The following DLG2 variants were observed in gnomAD, a reference collection of about 807,000 sequenced individuals.
The protein encoded by DLG2 is disks large homolog 2.
A neutral mutation model predicts 132.5 loss-of-function variants in DLG2; 45 were observed. That is an observed-to-expected ratio of 0.34 (90% CI 0.27 to 0.44). The LOEUF (loss-of-function observed/expected upper bound fraction) is 0.44. DLG2 is among the 20% of genes least tolerant of loss of function. The probability of loss-of-function intolerance (pLI) is 1.00; values close to 1 mark genes in which losing one functional copy is unlikely to be tolerated. For synonymous variants in DLG2, 424 were observed against 419.6 expected, an observed-to-expected ratio of 1.01 and a Z score of -0.13; for missense variants, 1,045 against 1,196.9, an observed-to-expected ratio of 0.87 and a Z score of 1.87.
intron 6 of DLG2, among the ~76,000 whole-genome samples, chr11:84,740,657 C>T (rs951711014): frequency 5.9e-5 from 9 of 152,188 alleles, no homozygotes; most frequent in African/African-American, 2.2e-4. Context: ...AACACCACAA[C>T]TCCAGCGGTG....
chr11:83,946,226 A>C (rs923702487), intron 14 of DLG2, among the ~76,000 whole-genome samples: 1 of 152,056 alleles, frequency 6.6e-6, no homozygotes, highest in Non-Finnish European at 1.5e-5. Flanking sequence ...GACCTCAGGT[A>C]ATCTACCCGC....
chr11:83,627,390 T>A (rs1041785189), intron 19 of DLG2, among the ~76,000 whole-genome samples: 6 of 149,916 alleles, frequency 4.0e-5, no homozygotes, highest in African/African-American at 1.5e-4. Flanking sequence ...CAGTCTCTGG[T>A]GTGTGATGTT....
At chr11:84,837,471 C>T (rs1196479453) in intron 6 of DLG2, among the ~76,000 whole-genome samples, 2 of 151,874 alleles carry the variant, frequency 1.3e-5, no homozygotes, top group East Asian at 3.9e-4. Flanking sequence ...CCTGCCCATT[C>T]TCCTAGATGG....
chr11:84,435,716 G>A (rs4944491), intron 7 of DLG2, among the ~76,000 whole-genome samples: 4,880 of 152,212 alleles, frequency 0.032, 126 homozygotes, highest in South Asian at 0.15. Context: ...CAGATTGAAA[G>A]CCCCTTACTA....
intron 5 of DLG2, among the ~76,000 whole-genome samples, chr11:85,141,339 A>G (rs561673164): frequency 6.6e-6 from 1 of 151,832 alleles, no homozygotes; most frequent in Non-Finnish European, 1.5e-5. Flanking sequence ...TATTTTTCAT[A>G]TATCTATTGG....
intron 8 of DLG2, among the ~76,000 whole-genome samples, chr11:84,180,780 A>C (rs117123104): frequency 6.6e-6 from 1 of 152,072 alleles, no homozygotes; most frequent in East Asian, 1.9e-4. Context: ...TGAAATATTG[A>C]AAGTGTGGGG....
At chr11:83,791,605 T>G (rs749541424) in intron 17 of DLG2, 12 of 406,500 alleles carry the variant, frequency 3.0e-5, no homozygotes, top group Non-Finnish European at 4.6e-5. Flanking sequence ...ATCCAACGGA[T>G]GAAAATACTA....
chr11:84,550,893 G>C (rs1323912603), intron 6 of DLG2, among the ~76,000 whole-genome samples: 1 of 152,124 alleles, frequency 6.6e-6, no homozygotes, highest in Admixed American at 6.5e-5. Flanking sequence ...CCAGCTCTTT[G>C]AGCTCCCTTT....
intron 6 of DLG2, among the ~76,000 whole-genome samples, chr11:84,699,167 G>A (rs1053324310): frequency 4.0e-5 from 6 of 151,486 alleles, no homozygotes; most frequent in African/African-American, 1.5e-4. Context: ...AGTGCAAATG[G>A]ATAGAATTTG....
At chr11:85,413,738 T>C (rs1447632719) in intron 3 of DLG2, among the ~76,000 whole-genome samples, 1 of 152,102 alleles carries the variant, frequency 6.6e-6, no homozygotes, top group African/African-American at 2.4e-5. Flanking sequence ...CTGGGTTCTG[T>C]ATTCTATTCC....
intron 15 of DLG2, among the ~76,000 whole-genome samples, chr11:83,891,448 G>C (rs979107284): frequency 6.6e-6 from 1 of 152,188 alleles, no homozygotes; most frequent in Non-Finnish European, 1.5e-5. Context: ...AATATATTCT[G>C]TAGGCAAAGA....
At chr11:84,273,225 T>C in intron 7 of DLG2, 1 of 1,568,476 alleles carries the variant, frequency 6.4e-7, no homozygotes, top group Non-Finnish European at 8.6e-7. Flanking sequence ...AGCTGATAAT[T>C]CTCAGCCCGA....
In DLG2 at chr11:84,502,213, T is replaced by TCCTTCCTTCCTTC. The variant is rs2099212113; in HGVS notation, c.519+32344_519+32356dup. ...CTCTCTCTCTCTCTCCTTCCTTCCTTCCTTCCTTCCTTCCTTCCTTCCTTC... is the reference window on the plus strand; with the variant it reads ...CTCTCTCTCTCTCTCCTTCCTTCCTTCCTTCCTTCCTTCCCTTCCTTCCTTCCTTCCTTCCTTC... On this transcript the variant is annotated intron_variant, in intron 7 of 27. Transcript: ENST00000376104. 1.1e-3 allele frequency among the ~76,000 whole-genome samples: 2 copies of TCCTTCCTTCCTTC among 1,862 alleles called. 1 individual carries two copies. Among genetic ancestry groups the TCCTTCCTTCCTTC allele is most frequent in the African/African-American group, 0.014 (2 of 144 alleles). The allele number at this position is 1,862 out of a possible 152,430, so 1.2% of individuals were successfully genotyped here. A position where few individuals can be genotyped will look rare whatever the true frequency, so the allele number is the denominator to read the frequency against.
intron 18 of DLG2, among the ~76,000 whole-genome samples, chr11:83,734,221 C>T (rs753870104): frequency 1.3e-5 from 2 of 152,130 alleles, no homozygotes; most frequent in Non-Finnish European, 2.9e-5. Flanking sequence ...ATAGAGGTCA[C>T]GGTGAACTCA....
chr11:84,332,530 T>TTA, intron 7 of DLG2, among the ~76,000 whole-genome samples: 1 of 142,302 alleles, frequency 7.0e-6, no homozygotes, highest in Non-Finnish European at 1.5e-5. Context: ...TTTTTTTTTT[T>TTA]GAGACAGTCT....
chr11:84,317,227 T>A (rs971628361), intron 7 of DLG2: 1 of 1,519,616 alleles, frequency 6.6e-7, no homozygotes, highest in East Asian at 2.3e-5. Context: ...TCCAGCCAGT[T>A]GTAAAAGTCT....
chr11:84,842,949 T>C (rs1197775801), intron 6 of DLG2, among the ~76,000 whole-genome samples: 9 of 151,936 alleles, frequency 5.9e-5, no homozygotes, highest in Admixed American at 4.6e-4. Context: ...CTGGAAAACA[T>C]AGATATATTC....
At chr11:85,205,297 A>G (rs900651193) in intron 4 of DLG2, among the ~76,000 whole-genome samples, 2 of 151,908 alleles carry the variant, frequency 1.3e-5, no homozygotes, top group African/African-American at 2.4e-5. Context: ...AAGACAAATA[A>G]CATATGTTCT....
At chr11:84,137,960 C>T (rs2094674611) in intron 9 of DLG2, among the ~76,000 whole-genome samples, 1 of 152,162 alleles carries the variant, frequency 6.6e-6, no homozygotes, top group Admixed American at 6.5e-5. Context: ...CCCTTGTTAG[C>T]TGTTCAAATG....
Sources: allele counts gnomAD v4.1 joint callset (sites outside exome capture counted in the v4.1 genomes callset), GRCh38; gene constraint gnomAD v4.1.1; transcripts MANE v1.5; gene names NCBI Gene and HGNC (gene_info 2026-07-23, HGNC 2026-07-21).